VPS13B: variants seen among roughly 807,000 people sequenced by gnomAD.
VPS13B encodes vacuolar protein sorting 13 homolog B.
VPS13B carries 285 observed loss-of-function variants against 426.4 expected under a neutral mutation model. That is an observed-to-expected ratio of 0.67 (90% CI 0.61 to 0.74). The LOEUF is 0.74. Among genes scored for constraint, VPS13B ranks in the 30% least tolerant of loss-of-function variants. VPS13B has a pLI of 0.00. For missense variants in VPS13B, 4,537 were observed against 4,782.6 expected (o/e 0.95, Z 1.51); for synonymous variants, 1,676 against 1,676.4 (o/e 1.00, Z 0.01).
chr8:99,066,687 A>G (rs903457043), intron 3 of VPS13B, among the ~76,000 whole-genome samples: 2 of 152,252 alleles, frequency 1.3e-5, no homozygotes, highest in Non-Finnish European at 2.9e-5. Context: ...CTGCACAGCA[A>G]AAGAAACTAC....
intron 19 of VPS13B, among the ~76,000 whole-genome samples, chr8:99,335,578 C>T (rs1360124015): frequency 6.6e-6 from 1 of 152,102 alleles, no homozygotes; most frequent in African/African-American, 2.4e-5. Flanking sequence ...CAAATTGTCC[C>T]TGTTTGCAGA....
chr8:99,473,602 G>T (rs1819528508), intron 24 of VPS13B, among the ~76,000 whole-genome samples: 1 of 152,042 alleles, frequency 6.6e-6, no homozygotes, highest in African/African-American at 2.4e-5. Flanking sequence ...CTAAGATCAG[G>T]AAAAAGTCCA....
chr8:99,279,828 G>C (rs549625543), intron 19 of VPS13B, among the ~76,000 whole-genome samples: 53 of 152,006 alleles, frequency 3.5e-4, no homozygotes, highest in African/African-American at 1.3e-3. Flanking sequence ...GGAGTGCAGT[G>C]GCGCGATCTT....
intron 33 of VPS13B, among the ~76,000 whole-genome samples, chr8:99,622,149 A>G (rs1279608965): frequency 1.3e-5 from 2 of 152,148 alleles, no homozygotes; most frequent in African/African-American, 4.8e-5. Flanking sequence ...AAGGCTAGAG[A>G]CAAGATTAGT....
At chr8:99,462,337 G>A (rs1438964951) in intron 23 of VPS13B, among the ~76,000 whole-genome samples, 1 of 151,988 alleles carries the variant, frequency 6.6e-6, no homozygotes, top group Non-Finnish European at 1.5e-5. Context: ...TTGTCAAATC[G>A]ATTAGAACTT....
chr8:99,385,127 A>T (rs867354415), intron 20 of VPS13B, among the ~76,000 whole-genome samples: 23 of 152,354 alleles, frequency 1.5e-4, no homozygotes, highest in Non-Finnish European at 2.8e-4. Flanking sequence ...AGAAAGTAGT[A>T]AGTAGGCAAT....
chr8:99,795,642 C>T (rs1438727779), intron 43 of VPS13B, among the ~76,000 whole-genome samples: 3 of 152,180 alleles, frequency 2.0e-5, no homozygotes, highest in Middle Eastern at 3.2e-3. Flanking sequence ...TCCAGCTCAG[C>T]GTTTCTGATA....
chr8:99,168,072 A>T (rs1563579544), intron 15 of VPS13B, among the ~76,000 whole-genome samples: 1 of 152,130 alleles, frequency 6.6e-6, no homozygotes, highest in Non-Finnish European at 1.5e-5. Context: ...GAGTTTAAAA[A>T]TTTATTTTTA....
chr8:99,430,853 G>A (rs944757925), intron 21 of VPS13B, among the ~76,000 whole-genome samples: 2 of 152,076 alleles, frequency 1.3e-5, no homozygotes, highest in South Asian at 4.2e-4. Flanking sequence ...CGAGTAGCTG[G>A]GATTACAGGT....
At position 99,275,038 on chromosome 8, in the gene VPS13B, C is replaced by CTCATAACTATACTT. The variant is rs760707594; in HGVS notation, c.2651-43_2651-42insTCATAACTATACTT. 307 of 1,487,464 alleles carry CTCATAACTATACTT rather than the reference C, an allele frequency of 2.1e-4. 1 individual carries two copies. In the African/African-American group the frequency reaches 4.1e-3, roughly 20 times the overall value. 92.1% of individuals were successfully genotyped at this position (1,487,464 alleles called of 1,614,324 possible). Reference sequence around the variant, plus strand: ...TAAAATCAAACATTCTCAAGTGACTCATGTTTTATTTTTATTATTGTTTTA... The same window carrying CTCATAACTATACTT: ...TAAAATCAAACATTCTCAAGTGACTCTCATAACTATACTTATGTTTTATTTTTATTATTGTTTTA... On this transcript the variant is annotated intron_variant, in intron 18 of 61. Transcript: ENST00000357162.
chr8:99,148,567 C>T (rs951327700), intron 14 of VPS13B, among the ~76,000 whole-genome samples: 3 of 151,832 alleles, frequency 2.0e-5, no homozygotes, highest in African/African-American at 7.3e-5. Flanking sequence ...GACCATATGC[C>T]AGCTATAATG....
intron 19 of VPS13B, among the ~76,000 whole-genome samples, chr8:99,293,337 A>G (rs1679286449): frequency 2.6e-5 from 3 of 114,754 alleles, no homozygotes; most frequent in South Asian, 6.7e-4. Context: ...CTGGCTAGCC[A>G]TATGTAGGAA....
At chr8:99,294,153 A>G (rs533038867) in intron 19 of VPS13B, among the ~76,000 whole-genome samples, 1 of 66,764 alleles carries the variant, frequency 1.5e-5, no homozygotes, top group East Asian at 2.7e-4. Flanking sequence ...ATGTCCAACA[A>G]TGATAGACTG....
chr8:99,148,100 G>A (rs1417665596), intron 14 of VPS13B, 90 bp downstream of exon 14: 49 of 1,375,484 alleles, frequency 3.6e-5, no homozygotes, highest in Non-Finnish European at 4.4e-5. Context: ...ATCTGCAGCC[G>A]GGCACAGTGG....
In VPS13B at chr8:99,776,946, A is replaced by G. The variant is rs1273143954; in HGVS notation, c.7419A>G (p.Gln2473=). 3 of 1,614,026 alleles carry G rather than the reference A, an allele frequency of 1.9e-6. No individual in the cohort carries two copies. Among genetic ancestry groups the G allele is most frequent in the Non-Finnish European group, 2.5e-6 (3 of 1,179,916 alleles). ...LEFHLCHHLD[Q]LGTAAPQYLQ... ...TCCATCTTTGTCATCACCTTGACCA[A>G]CTAGGCACAGGTACTCTTTTTTTTA... Residue 2473 remains glutamine, a synonymous_variant, in exon 41 of 62, where the codon CAA becomes CAG. Transcript: ENST00000357162.
intron 25 of VPS13B, among the ~76,000 whole-genome samples, chr8:99,493,126 G>A (rs1196007336): frequency 6.6e-6 from 1 of 152,156 alleles, no homozygotes; most frequent in African/African-American, 2.4e-5. Flanking sequence ...GTTTAGTTGT[G>A]ATAGATATTG....
At chr8:99,428,951 T>G (rs2133403220) in intron 21 of VPS13B, among the ~76,000 whole-genome samples, 1 of 152,162 alleles carries the variant, frequency 6.6e-6, no homozygotes, top group East Asian at 1.9e-4. Context: ...TATGCAGCCA[T>G]AAAAAATGAT....
chr8:99,316,928 G>A (rs145608282), intron 19 of VPS13B, among the ~76,000 whole-genome samples: 1 of 152,098 alleles, frequency 6.6e-6, no homozygotes, highest in East Asian at 1.9e-4. Flanking sequence ...CTTTTTTTCT[G>A]TTTTAGTGAT....
chr8:99,469,994 T>C (rs958442733), intron 24 of VPS13B, among the ~76,000 whole-genome samples: 17 of 152,102 alleles, frequency 1.1e-4, no homozygotes, highest in African/African-American at 4.1e-4. Flanking sequence ...CAAGGAAGGA[T>C]TGTACTCAGA....
Sources: allele counts gnomAD v4.1 joint callset (sites outside exome capture counted in the v4.1 genomes callset), GRCh38; gene constraint gnomAD v4.1.1; transcripts MANE v1.5; gene names NCBI Gene and HGNC (gene_info 2026-07-23, HGNC 2026-07-21).